Variants in UTP6 observed in about 807,000 individuals in gnomAD.
UTP6 encodes U3 small nucleolar RNA-associated protein 6 homolog.
In UTP6, 60 loss-of-function variants were observed where a neutral mutation model predicts 96.5. The observed-to-expected ratio is 0.62, with a 90% confidence interval of 0.51 to 0.77. The LOEUF (loss-of-function observed/expected upper bound fraction) is 0.77, where lower values mean the gene tolerates loss of function less well. Among genes scored for constraint, UTP6 ranks in the 30% least tolerant of loss-of-function variants. The pLI is 0.00. For synonymous variants in UTP6, 215 were observed against 240.1 expected, an observed-to-expected ratio of 0.90 and a Z score of 0.96; for missense variants, 637 against 706.5, an observed-to-expected ratio of 0.90 and a Z score of 1.12.
chr17:31,884,180 T>C (rs145301636), intron 10 of UTP6, among the ~76,000 whole-genome samples: 5 of 151,644 alleles, frequency 3.3e-5, no homozygotes. Flanking sequence ...GTATTTTTAG[T>C]AGAGACGGGG....
At chr17:31,884,246 C>T (rs1475405049) in intron 10 of UTP6, among the ~76,000 whole-genome samples, 178 bp downstream of exon 10, 1 of 152,114 alleles carries the variant, frequency 6.6e-6, no homozygotes, top group African/African-American at 2.4e-5. Flanking sequence ...GATCCACCCA[C>T]CTCAGTCTCC....
At chr17:31,897,681 A>G (rs1210662019) in intron 2 of UTP6, among the ~76,000 whole-genome samples, 1 of 151,816 alleles carries the variant, frequency 6.6e-6, no homozygotes, top group Admixed American at 6.6e-5. Context: ...ACTCCTGACC[A>G]CAGGTGATCT....
rs79819334 is a variant in UTP6 at position 31,879,228 on chromosome 17, A to G, written c.968-447T>C. ...AACGTGGTGAAACCTCATCTCTACT[A>G]AAAATACAAAAATCCATGGGGCATG... is the stretch of plus-strand genomic sequence containing the variant. On this transcript the variant is annotated intron_variant, in intron 11 of 18. Coordinates refer to ENST00000261708, the MANE Select transcript of UTP6 (RefSeq NM_018428.3). Among the ~76,000 whole-genome samples, 214 of 152,102 alleles carry G rather than the reference A, an allele frequency of 1.4e-3. 4 individuals are homozygous for G. In the East Asian group the frequency reaches 0.035, roughly 25 times the overall value.
intron 14 of UTP6, 108 bp from the exon 15 acceptor site, chr17:31,873,861 A>C: frequency 7.9e-7 from 1 of 1,264,620 alleles, no homozygotes; most frequent in Non-Finnish European, 1.1e-6. Context: ...ATGCTATAAA[A>C]TGACAGTTTA....
chr17:31,880,878 A>C, intron 10 of UTP6, 124 bp from the exon 11 acceptor site: 1 of 1,326,416 alleles, frequency 7.5e-7, no homozygotes, highest in Non-Finnish European at 1.0e-6. Flanking sequence ...CAGTACCATA[A>C]AAACTATTTC....
intron 3 of UTP6, 51 bp from the exon 4 acceptor site, chr17:31,894,788 A>C: frequency 6.7e-7 from 1 of 1,500,398 alleles, no homozygotes; most frequent in Non-Finnish European, 9.2e-7. Flanking sequence ...TATTTGTCCA[A>C]AACAGCATTC....
At chr17:31,884,548 G>T in intron 9 of UTP6, 43 bp from the exon 10 acceptor site, 1 of 1,458,052 alleles carries the variant, frequency 6.9e-7, no homozygotes, top group Non-Finnish European at 9.5e-7. Context: ...TTGCCAATAA[G>T]AATCACTTTA....
Position 31,887,292 on chromosome 17 carries a change from G to A in UTP6, c.565C>T (p.His189Tyr), listed in dbSNP as rs569017892. The change falls in exon 8 of 19, where the codon CAT (histidine) becomes TAT (tyrosine). Residue 189 changes from histidine to tyrosine, a missense_variant. Physicochemically the swap from His to Tyr is moderately conservative, Grantham distance 83 (BLOSUM62 2). Coordinates refer to ENST00000261708, the MANE Select transcript of UTP6 (RefSeq NM_018428.3). ...YKEYFRMELM[H>Y]AEKLRKEKEE... ...TTCTCCTTCCTCAGTTTTTCAGCATGCATCAGCTCCATCCTAAAGTACTAC... is the reference window on the plus strand; with the variant it reads ...TTCTCCTTCCTCAGTTTTTCAGCATACATCAGCTCCATCCTAAAGTACTAC... 1.7e-5 allele frequency: 27 copies of A among 1,613,908 alleles called. No individual in the cohort carries two copies. In the South Asian group the frequency reaches 2.2e-4, roughly 13 times the overall value.
intron 9 of UTP6, chr17:31,885,077 A>G (rs1911073677): frequency 6.5e-6 from 1 of 152,982 alleles, no homozygotes; most frequent in Admixed American, 6.5e-5. Flanking sequence ...AAATGAGTAC[A>G]CGCTGGGTAC....
Position 31,873,494 on chromosome 17 carries a change from T to A in UTP6, c.1387-7A>T, listed in dbSNP as rs760123802. On this transcript the variant is annotated splice_region_variant and splice_polypyrimidine_tract_variant and intron_variant, in intron 15 of 18. Transcript: ENST00000261708. The stretch of plus-strand genomic sequence containing the variant: ...TGACAGCTAAGAGAGCTTTCTACAA[T>A]TTAAAAGAAAAAAGAAAGAAGCTAT... 2.5e-6 allele frequency: 4 copies of A among 1,608,084 alleles called. No homozygotes were observed. In the African/African-American group the frequency reaches 5.4e-5, roughly 22 times the overall value.
chr17:31,865,118 A>G (rs899380552), intron 18 of UTP6, among the ~76,000 whole-genome samples: 1 of 152,186 alleles, frequency 6.6e-6, no homozygotes, highest in Non-Finnish European at 1.5e-5. Context: ...TCCCAGGCTC[A>G]AGCGATTCTC....
intron 6 of UTP6, among the ~76,000 whole-genome samples, chr17:31,891,359 C>T (rs949610727): frequency 6.6e-6 from 1 of 152,192 alleles, no homozygotes; most frequent in South Asian, 2.1e-4. Context: ...ACCTTAGGAA[C>T]CAGAGGCTAC....
At chr17:31,886,679 A>G (rs1598111149) in intron 8 of UTP6, 1 of 152,884 alleles carries the variant, frequency 6.5e-6, no homozygotes, top group East Asian at 1.9e-4. Flanking sequence ...AAAAAGTTCT[A>G]AGCTGGAAAC....
intron 17 of UTP6, among the ~76,000 whole-genome samples, chr17:31,866,054 G>A (rs892466004): frequency 3.7e-4 from 56 of 152,082 alleles, no homozygotes; most frequent in African/African-American, 1.3e-3. Flanking sequence ...TATTCTTGCC[G>A]GGCACGGTGG....
intron 17 of UTP6, 109 bp from the exon 18 acceptor site, chr17:31,865,547 G>GTTTA (rs764040823): frequency 8.8e-5 from 93 of 1,058,708 alleles, no homozygotes; most frequent in Admixed American, 1.9e-4. Flanking sequence ...GAAGGGAAGA[G>GTTTA]TTTAACATGA....
rs768289161 is a variant in UTP6, at chr17:31,892,295, A to G, written c.389T>C (p.Phe130Ser). ...GGAATGAATCGCCAACATGGCAGAG[A>G]ATACCTTGCTAAGTCGAGTTTTAGT... is the stretch of plus-strand genomic sequence containing the variant. ...WATKTRLSKVFSAMLAIHSNK... is the reference protein window; with the variant it reads ...WATKTRLSKVSSAMLAIHSNK... Residue 130 changes from phenylalanine to serine, a missense_variant, in exon 6 of 19, where the codon TTC (phenylalanine) becomes TCC (serine). Transcript: ENST00000261708. The G allele has an allele frequency of 1.4e-5, 23 of 1,614,172 alleles. No homozygotes were observed. Among genetic ancestry groups the G allele is most frequent in the Non-Finnish European group, 1.9e-5 (22 of 1,180,026 alleles).
chr17:31,868,437 C>T (rs1463260153), intron 16 of UTP6, among the ~76,000 whole-genome samples: 1 of 145,608 alleles, frequency 6.9e-6, no homozygotes, highest in African/African-American at 2.5e-5. Flanking sequence ...TCAAGCAATC[C>T]TCCTGCCTTA....
intron 6 of UTP6, 181 bp downstream of exon 6, chr17:31,892,079 C>T (rs1440308761): frequency 1.6e-6 from 1 of 613,896 alleles, no homozygotes; most frequent in Non-Finnish European, 2.9e-6. Context: ...AGGACAGTAA[C>T]TAGTATATAG....
Position 31,863,377 on chromosome 17 carries a change from A to T in UTP6, c.1776T>A (p.His592Gln). ...TTCATCTTCATAAATGGCCAGTCTG[A>T]TGCATAGCATGTTTAGCTACAAATG... is the stretch of plus-strand genomic sequence containing the variant. ...AEAFVAKHAM[H>Q]QTGHL The change falls in exon 19 of 19, where the codon CAT (histidine) becomes CAA (glutamine). Residue 592 changes from histidine to glutamine, a missense_variant. Transcript: ENST00000261708. 6.2e-7 allele frequency: 1 copy of T among 1,613,858 alleles called. No individual in the cohort carries two copies. The highest frequency in any genetic ancestry group is 1.3e-5 in the African/African-American group (1 of 75,014).
Sources: gnomAD v4.1 joint callset for allele counts (sites outside exome capture counted in the v4.1 genomes callset) on GRCh38, gnomAD v4.1.1 for gene constraint, MANE v1.5 for transcripts, NCBI Gene and HGNC (gene_info 2026-07-23, HGNC 2026-07-21) for gene names.